STOX1: variants seen among roughly 807,000 people sequenced by gnomAD.
STOX1 encodes the protein storkhead-box protein 1.
A neutral mutation model predicts 74.8 loss-of-function variants in STOX1; 57 were observed. That is an observed-to-expected ratio of 0.76 (90% CI 0.62 to 0.95). STOX1 has a LOEUF of 0.95. STOX1 is among the 40% of genes least tolerant of loss of function. The probability of loss-of-function intolerance (pLI) is 0.00; values close to 1 mark genes in which losing one functional copy is unlikely to be tolerated. For missense variants in STOX1, 1,010 were observed against 1,117.0 expected (o/e 0.90, Z 1.37); for synonymous variants, 375 against 401.3 (o/e 0.93, Z 0.78).
At chr10:68,829,284 G>C (rs1193020932) in intron 1 of STOX1, among the ~76,000 whole-genome samples, 1 of 152,228 alleles carries the variant, frequency 6.6e-6, no homozygotes, top group Non-Finnish European at 1.5e-5. Flanking sequence ...AGACCAGCCT[G>C]GCTAACATGC....
intron 2 of STOX1, among the ~76,000 whole-genome samples, chr10:68,883,758 C>CTTTTTTTT (rs71028801): frequency 1.4e-4 from 12 of 85,504 alleles, no homozygotes; most frequent in Non-Finnish European, 2.2e-4. Context: ...GCTTCTTTGG[C>CTTTTTTTT]TTTTTTTTTT....
In STOX1 at chr10:68,885,902, T is replaced by G. The variant is rs752653196; in HGVS notation, c.2106T>G (p.Asp702Glu). Residue 702 changes from aspartate to glutamate, a missense_variant, in exon 3 of 4, where the codon GAT (aspartate) becomes GAG (glutamate). Coordinates refer to ENST00000298596, the MANE Select transcript of STOX1 (RefSeq NM_152709.5). ...TATTGAGAAAAGGATTTGTCCAGGA[T>G]GCAGAGACTACAAGCCTAGAAAATG... ...EELLRKGFVQDAETTSLENEQ... is the reference protein window; with the variant it reads ...EELLRKGFVQEAETTSLENEQ... The G allele has an allele frequency of 1.9e-6, 3 of 1,614,048 alleles. No individual in the cohort carries two copies. The highest frequency in any genetic ancestry group is 1.3e-5 in the African/African-American group (1 of 74,926).
chr10:68,878,868 G>A (rs752572495), intron 1 of STOX1, among the ~76,000 whole-genome samples: 6 of 152,080 alleles, frequency 3.9e-5, no homozygotes, highest in Non-Finnish European at 5.9e-5. Flanking sequence ...GCTTCCTTCT[G>A]GCTATACTTG....
intron 3 of STOX1, among the ~76,000 whole-genome samples, chr10:68,891,306 T>C (rs1841090731): frequency 6.6e-6 from 1 of 152,256 alleles, no homozygotes; most frequent in African/African-American, 2.4e-5. Flanking sequence ...TTACAGGAAG[T>C]ATACAATTTA....
intron 1 of STOX1, among the ~76,000 whole-genome samples, chr10:68,867,495 T>C (rs10998468): frequency 0.22 from 33,634 of 152,036 alleles, 4,268 homozygotes; most frequent in East Asian, 0.54. Flanking sequence ...GCCACTGGGG[T>C]GACTACTTTT....
At position 68,884,462 on chromosome 10, in the gene STOX1, G is replaced by A; in HGVS notation, c.666G>A (p.Val222=). 2 of 1,613,846 alleles carry A rather than the reference G, an allele frequency of 1.2e-6. No homozygotes were observed. The highest frequency in any genetic ancestry group is 1.7e-6 in the Non-Finnish European group (2 of 1,180,028). ...RLMPASMTYL[V]SMESCAESAQ... is the part of the protein sequence containing the mutation. ...TGCCAGCTTCCATGACATATCTGGT[G>A]AGCATGGAGAGCTGTGCAGAGTCAG... The change falls in exon 3 of 4, where the codon GTG becomes GTA. Residue 222 remains valine, a synonymous_variant. Transcript: ENST00000298596.
intron 1 of STOX1, among the ~76,000 whole-genome samples, chr10:68,848,343 C>T (rs1839903592): frequency 2.0e-5 from 3 of 152,190 alleles, no homozygotes; most frequent in African/African-American, 7.2e-5. Flanking sequence ...CCCAGCTGTA[C>T]TACTCCCTGC....
chr10:68,865,928 G>A (rs1222506615), intron 1 of STOX1, among the ~76,000 whole-genome samples: 7 of 151,966 alleles, frequency 4.6e-5, no homozygotes, highest in Non-Finnish European at 1.0e-4. Flanking sequence ...CCATTTTAAC[G>A]GGATAGGATC....
intron 1 of STOX1, among the ~76,000 whole-genome samples, chr10:68,847,818 A>C: frequency 6.8e-6 from 1 of 148,016 alleles, no homozygotes; most frequent in African/African-American, 2.5e-5. Flanking sequence ...CGAAACCTCC[A>C]CCTCCTGGGT....
At chr10:68,868,071 C>T (rs1013815178) in intron 1 of STOX1, among the ~76,000 whole-genome samples, 15 of 152,218 alleles carry the variant, frequency 9.9e-5, no homozygotes, top group African/African-American at 2.4e-4. Context: ...GTTCTCCAAC[C>T]GTCGCTCTGG....
At position 68,855,140 on chromosome 10, in the gene STOX1, T is replaced by C. The variant is rs993543219; in HGVS notation, c.311-26818T>C. The stretch of plus-strand genomic sequence containing the variant: ...TAAAAAAAAATTTTTTTTTTTTTTT[T>C]GAGATAGTCTTGCTCTGTCACCCAG... On this transcript the variant is annotated intron_variant, in intron 1 of 3. Transcript: ENST00000298596. Among the ~76,000 whole-genome samples, 297 of 123,588 alleles carry C rather than the reference T, an allele frequency of 2.4e-3. 4 individuals carry two copies. The highest frequency in any genetic ancestry group is 3.8e-3 in the Middle Eastern group (1 of 264). The allele number at this position is 123,588 out of a possible 152,430, so 81.1% of individuals were successfully genotyped here.
At chr10:68,888,309 C>T (rs1481628234) in intron 3 of STOX1, among the ~76,000 whole-genome samples, 1 of 152,032 alleles carries the variant, frequency 6.6e-6, no homozygotes, top group Non-Finnish European at 1.5e-5. Flanking sequence ...ACCATGTTGG[C>T]CAGACTGGTC....
At chr10:68,881,209 G>T (rs1038774954) in intron 1 of STOX1, among the ~76,000 whole-genome samples, 3 of 152,104 alleles carry the variant, frequency 2.0e-5, no homozygotes, top group African/African-American at 4.8e-5. Flanking sequence ...CTGAGTAATG[G>T]CAGGTTAAGA....
At chr10:68,830,176 C>T (rs1186264032) in intron 1 of STOX1, among the ~76,000 whole-genome samples, 1 of 152,246 alleles carries the variant, frequency 6.6e-6, no homozygotes, top group South Asian at 2.1e-4. Context: ...CTCCCATTCT[C>T]TTCTGCCCAG....
chr10:68,831,917 T>A (rs2133483558), intron 1 of STOX1, among the ~76,000 whole-genome samples: 1 of 119,906 alleles, frequency 8.3e-6, no homozygotes, highest in Middle Eastern at 4.5e-3. Context: ...ATGTTGTATT[T>A]TCTTTTCTTT....
intron 1 of STOX1, among the ~76,000 whole-genome samples, chr10:68,868,965 A>G (rs577539701): frequency 1.3e-5 from 2 of 152,220 alleles, no homozygotes; most frequent in Non-Finnish European, 2.9e-5. Flanking sequence ...CAAAGAGGGT[A>G]CACTGACAGT....
intron 1 of STOX1, among the ~76,000 whole-genome samples, chr10:68,872,927 TTC>T (rs1840570254): frequency 6.6e-6 from 1 of 152,136 alleles, no homozygotes; most frequent in South Asian, 2.1e-4. Context: ...CTTTTTTTTT[TTC>T]CCCTTAACGG....
At position 68,838,638 on chromosome 10, in the gene STOX1, C is replaced by T. The variant is rs191120615; in HGVS notation, c.310+10705C>T. ...GAAAAAAAGTGGCAAGAGCCGGGCGCGGTGGCTCATGCCTGTAATCCCAGC... is the reference window on the plus strand; with the variant it reads ...GAAAAAAAGTGGCAAGAGCCGGGCGTGGTGGCTCATGCCTGTAATCCCAGC... On this transcript the variant is annotated intron_variant, in intron 1 of 3. Transcript: ENST00000298596. Among the ~76,000 whole-genome samples, 12 of 152,204 alleles carry T rather than the reference C, an allele frequency of 7.9e-5. No homozygotes were observed. The South Asian group carries it at 1.9e-3, about 24-fold the overall frequency.
intron 1 of STOX1, among the ~76,000 whole-genome samples, chr10:68,839,614 G>A (rs371511890): frequency 6.6e-6 from 1 of 152,332 alleles, no homozygotes; most frequent in Non-Finnish European, 1.5e-5. Context: ...TACAGGCCGG[G>A]CATGGTGGCT....
Sources: allele counts gnomAD v4.1 joint callset (sites outside exome capture counted in the v4.1 genomes callset), GRCh38; gene constraint gnomAD v4.1.1; transcripts MANE v1.5; gene names NCBI Gene and HGNC (gene_info 2026-07-23, HGNC 2026-07-21).